Variants in RNF145 observed in about 807,000 individuals in gnomAD.
RNF145 encodes the protein ring finger protein 145.
Under a neutral mutation model 57.3 loss-of-function variants are expected in RNF145, and 12 were observed. That is an observed-to-expected ratio of 0.21 (90% CI 0.13 to 0.34). The LOEUF is 0.34. RNF145 is among the 10% of genes least tolerant of loss of function. The pLI, the probability that RNF145 is intolerant of heterozygous loss-of-function variation, is 1.00. For synonymous variants in RNF145, 262 were observed against 288.3 expected, an observed-to-expected ratio of 0.91 and a Z score of 0.92; for missense variants, 429 against 799.0, an observed-to-expected ratio of 0.54 and a Z score of 5.58.
In RNF145 at chr5:159,158,841, T is replaced by C; in HGVS notation, c.1821A>G (p.Glu607=). 6.2e-7 allele frequency: 1 copy of C among 1,613,968 alleles called. No homozygotes were observed. Among genetic ancestry groups the C allele is most frequent in the Non-Finnish European group, 8.5e-7 (1 of 1,179,860 alleles). The change falls in exon 11 of 11, where the codon GAA becomes GAG. Residue 607 remains glutamate (E), a synonymous_variant. Transcript: ENST00000424310. ...GCTCCTGGCCTGGGGGTTCAGTACC[T>C]TCCTGAAACATGACGTTTTGCTCAG... ...AGAEQNVMFQ[E]GTEPPGQEHT...
At chr5:159,208,085 C>T in intron 1 of RNF145, 1 of 1,475,308 alleles carries the variant, frequency 6.8e-7, no homozygotes, top group Non-Finnish European at 8.9e-7. Flanking sequence ...ATCTTTGATG[C>T]CTGCTCACTG....
At position 159,169,058 on chromosome 5, in the gene RNF145, A is replaced by G; in HGVS notation, c.939-3T>C. 6.5e-7 allele frequency: 1 copy of G among 1,531,156 alleles called. No homozygotes were observed. Among genetic ancestry groups the G allele is most frequent in the Middle Eastern group, 1.8e-4 (1 of 5,714 alleles). 94.8% of individuals were successfully genotyped at this position (1,531,156 alleles called of 1,614,324 possible). ...GCGTTACTCCTTCTGTCATGCCCCT[A>G]AAAAAAGCATACATTTTCAGAAAAC... On this transcript the variant is annotated splice_polypyrimidine_tract_variant and splice_region_variant and intron_variant, in intron 7 of 10. Coordinates refer to ENST00000424310, the MANE Select transcript of RNF145 (RefSeq NM_001199383.2).
intron 1 of RNF145, chr5:159,208,068 T>G (rs1261668847): frequency 6.7e-7 from 1 of 1,488,548 alleles, no homozygotes; most frequent in African/African-American, 1.4e-5. Context: ...CGCAAGGCCA[T>G]CCACTAATCT....
intron 9 of RNF145, among the ~76,000 whole-genome samples, chr5:159,162,024 CAA>C (rs1424027016): frequency 6.6e-6 from 1 of 151,968 alleles, no homozygotes; most frequent in African/African-American, 2.4e-5. Context: ...TTTACTTCTG[CAA>C]AAAAATAATG....
At chr5:159,170,926 AAAG>A (rs917576829) in intron 6 of RNF145, among the ~76,000 whole-genome samples, 5 of 152,184 alleles carry the variant, frequency 3.3e-5, no homozygotes, top group African/African-American at 9.7e-5. Flanking sequence ...TTTAATTTTC[AAAG>A]AAGAATTTCA....
intron 3 of RNF145, among the ~76,000 whole-genome samples, chr5:159,188,266 A>G (rs1435576520): frequency 9.2e-5 from 14 of 151,670 alleles, no homozygotes. Context: ...AGGCGCCTGT[A>G]GTCCCAGCTA....
chr5:159,176,641 T>C lies in RNF145; in HGVS notation c.612A>G (p.Glu204=). 1 of 1,600,014 alleles carries C rather than the reference T, an allele frequency of 6.2e-7. No individual in the cohort carries two copies. Residue 204 remains glutamate (E), a synonymous_variant, in exon 5 of 11, where the codon GAA becomes GAG. Transcript: ENST00000424310. ...PYNLAKSAYR[E]LVQVVEVYGL... is the part of the protein sequence containing the mutation. ...TTGTCAGCAGTCTTACCTGAACCAA[T>C]TCTCTGTATGCAGATTTAGCAAGGT...
At chr5:159,204,862 T>C (rs1208775397) in intron 1 of RNF145, among the ~76,000 whole-genome samples, 3 of 123,930 alleles carry the variant, frequency 2.4e-5, no homozygotes, top group African/African-American at 9.3e-5. Context: ...ATTTAAAGAG[T>C]AAAGATAATT....
intron 4 of RNF145, among the ~76,000 whole-genome samples, chr5:159,181,470 G>A: frequency 6.6e-6 from 1 of 151,988 alleles, no homozygotes; most frequent in East Asian, 1.9e-4. Context: ...GCAGGGGTCT[G>A]GTACTTCACT....
At chr5:159,188,308 A>C (rs1785158658) in intron 3 of RNF145, among the ~76,000 whole-genome samples, 1 of 151,840 alleles carries the variant, frequency 6.6e-6, no homozygotes, top group South Asian at 2.1e-4. Context: ...AATGGCGTGA[A>C]CCCAGGAGGC....
chr5:159,209,683 C>T (rs1425483702), upstream of RNF145: 11 of 946,934 alleles, frequency 1.2e-5, no homozygotes, highest in Non-Finnish European at 1.6e-5. Flanking sequence ...GCCTCCGGTG[C>T]GTGGGCGGGA....
At chr5:159,177,021 C>T (rs1469159901) in intron 4 of RNF145, among the ~76,000 whole-genome samples, 154 bp from the exon 5 acceptor site, 2 of 152,104 alleles carry the variant, frequency 1.3e-5, no homozygotes, top group Non-Finnish European at 2.9e-5. Context: ...ACTTAAACTT[C>T]ATCTGACTAT....
At chr5:159,204,391 G>T (rs529882998) in intron 1 of RNF145, among the ~76,000 whole-genome samples, 2 of 151,946 alleles carry the variant, frequency 1.3e-5, no homozygotes, top group African/African-American at 4.8e-5. Flanking sequence ...AGTAGTGGGG[G>T]GGGGCAGGGG....
At chr5:159,179,555 A>G (rs1784819590) in intron 4 of RNF145, among the ~76,000 whole-genome samples, 2 of 152,248 alleles carry the variant, frequency 1.3e-5, no homozygotes, top group African/African-American at 4.8e-5. Flanking sequence ...TGGACTTTGG[A>G]AAGTTGAATC....
intron 2 of RNF145, among the ~76,000 whole-genome samples, chr5:159,200,072 C>T (rs909877824): frequency 2.6e-5 from 4 of 152,178 alleles, no homozygotes; most frequent in African/African-American, 9.7e-5. Context: ...AGGAGGATCA[C>T]TTGAGCCCAG....
intron 3 of RNF145, among the ~76,000 whole-genome samples, chr5:159,191,350 A>C (rs986560052): frequency 2.6e-5 from 4 of 152,190 alleles, no homozygotes; most frequent in Admixed American, 2.0e-4. Context: ...ACATGGATTC[A>C]AGTTAAAGTC....
At chr5:159,160,792 G>A (rs759883605) in intron 10 of RNF145, among the ~76,000 whole-genome samples, 1 of 152,120 alleles carries the variant, frequency 6.6e-6, no homozygotes, top group Non-Finnish European at 1.5e-5. Context: ...CCAAATGCTT[G>A]TACCCTCGGA....
chr5:159,181,931 C>G (rs377416908), intron 4 of RNF145, 29 bp downstream of exon 4: 109 of 1,335,138 alleles, frequency 8.2e-5, no homozygotes, highest in Non-Finnish European at 1.2e-4. Context: ...CGGTTCCTAC[C>G]TACACTTTAA....
chr5:159,181,461 C>T (rs1584685614), intron 4 of RNF145, among the ~76,000 whole-genome samples: 2 of 152,220 alleles, frequency 1.3e-5, no homozygotes, highest in East Asian at 3.9e-4. Context: ...ACTCTGGTAG[C>T]AGGGGTCTGG....
Sources: allele counts gnomAD v4.1 joint callset (sites outside exome capture counted in the v4.1 genomes callset), GRCh38; gene constraint gnomAD v4.1.1; transcripts MANE v1.5; gene names NCBI Gene and HGNC (gene_info 2026-07-23, HGNC 2026-07-21).